The following ADAMTS7 variants were observed in gnomAD, a reference collection of about 807,000 sequenced individuals.
ADAMTS7 encodes the protein ADAM metallopeptidase with thrombospondin type 1 motif 7.
In ADAMTS7, 89 loss-of-function variants were observed where a neutral mutation model predicts 172.6. That is an observed-to-expected ratio of 0.52 (90% CI 0.43 to 0.61). The LOEUF (loss-of-function observed/expected upper bound fraction) is 0.61, where lower values mean the gene tolerates loss of function less well. Ranked by LOEUF, ADAMTS7 falls within the 20% of genes least tolerant of loss-of-function variation. ADAMTS7 has a pLI of 0.00. For missense variants in ADAMTS7, 1,973 were observed against 2,355.6 expected, an observed-to-expected ratio of 0.84 and a Z score of 3.36; for synonymous variants, 885 against 978.4, an observed-to-expected ratio of 0.90 and a Z score of 1.78.
intron 23 of ADAMTS7, 62 bp from the exon 24 acceptor site, chr15:78,759,640 C>T: frequency 1.6e-5 from 24 of 1,464,926 alleles, no homozygotes; most frequent in Non-Finnish European, 2.2e-5. Flanking sequence ...AACCTGGCTC[C>T]CTACGCCAAC....
intron 7 of ADAMTS7, among the ~76,000 whole-genome samples, chr15:78,789,267 C>T (rs1165434200): frequency 6.6e-6 from 1 of 152,224 alleles, no homozygotes; most frequent in African/African-American, 2.4e-5. Context: ...ATCACTGAAT[C>T]CAAACCCCTC....
chr15:78,809,620 A>G (rs2055839056), intron 1 of ADAMTS7, among the ~76,000 whole-genome samples: 1 of 152,206 alleles, frequency 6.6e-6, no homozygotes, highest in African/African-American at 2.4e-5. Context: ...AATCCTCATA[A>G]GAATCCCACG....
At chr15:78,807,365 T>A (rs1466489740) in intron 1 of ADAMTS7, among the ~76,000 whole-genome samples, 3 of 152,184 alleles carry the variant, frequency 2.0e-5, no homozygotes, top group Admixed American at 2.0e-4. Context: ...GGATGTACAG[T>A]CCTGTTGAGA....
At chr15:78,765,365 C>T (rs926342162) in intron 19 of ADAMTS7, among the ~76,000 whole-genome samples, 22 of 152,380 alleles carry the variant, frequency 1.4e-4, no homozygotes, top group African/African-American at 5.3e-4. Flanking sequence ...CTGGGCCTGG[C>T]GGCCATGCGG....
Position 78,776,811 on chromosome 15 carries a change from C to A in ADAMTS7, c.1498G>T (p.Gly500Trp). 1.9e-6 allele frequency: 3 copies of A among 1,550,744 alleles called. No individual in the cohort carries two copies. The highest frequency in any genetic ancestry group is 2.6e-6 in the Non-Finnish European group (3 of 1,146,420). The stretch of plus-strand genomic sequence containing the variant: ...TCCAGCTTGGAGTGACAGGTGGTCC[C>A]CACAGAGCACCAGAGTGTGTGGCAG... ...NVCHTLWCSV[G>W]TTCHSKLDAA... is the part of the protein sequence containing the mutation. Residue 500 changes from glycine to tryptophan, a missense_variant, in exon 10 of 24, where the codon GGG (glycine) becomes TGG (tryptophan). This residue lies in a region of ADAMTS7 where 526 missense variants were observed against 662.9 expected (regional missense o/e 0.79). Coordinates refer to ENST00000388820, the MANE Select transcript of ADAMTS7 (RefSeq NM_014272.5).
intron 8 of ADAMTS7, among the ~76,000 whole-genome samples, chr15:78,778,877 T>C (rs2055390859): frequency 1.3e-5 from 2 of 150,674 alleles, no homozygotes; most frequent in African/African-American, 4.9e-5. Flanking sequence ...CACTCCGAGA[T>C]GTGGAGAGGC....
chr15:78,759,341 A>T lies in ADAMTS7; in HGVS notation c.*80T>A, dbSNP rs1216968939. On this transcript the variant is annotated 3_prime_UTR_variant, in exon 24 of 24. Transcript: ENST00000388820. The stretch of plus-strand genomic sequence containing the variant: ...GTAGTGAGAGGGGGTTAGCACCATT[A>T]GGGCGCAGGGGGCGGGAGCTCCGCC... The T allele has an allele frequency of 3.5e-6, 5 of 1,426,156 alleles. No individual in the cohort carries two copies. In the South Asian group the frequency reaches 7.0e-5, roughly 20 times the overall value. 88.3% of individuals were successfully genotyped at this position (1,426,156 alleles called of 1,614,324 possible).
At position 78,777,636 on chromosome 15, in the gene ADAMTS7, A is replaced by G. The variant is rs763838760; in HGVS notation, c.1323-48T>C. 1.7e-5 allele frequency: 27 copies of G among 1,570,878 alleles called. No homozygotes were observed. The African/African-American group carries it at 3.1e-4, about 18-fold the overall frequency. ...GAGGGGGGCGCAGCCTGTGAGACCC[A>G]TCGGAGAAGCCTTGGTGGGGCCGGG... On this transcript the variant is annotated intron_variant, in intron 8 of 23. Coordinates refer to ENST00000388820, the MANE Select transcript of ADAMTS7 (RefSeq NM_014272.5).
At position 78,763,947 on chromosome 15, in the gene ADAMTS7, C is replaced by T; in HGVS notation, c.4572G>A (p.Trp1524Ter). The part of the protein sequence containing the change: ...RPCGAQPCLS[W>*]YTSSWRECSE... ...TCACCTCCCTCCAGGAAGATGTGTA[C>T]CAGCTGAGGCAGGGCTGGGCCCCGC... Residue 1524 changes from tryptophan (W) to a stop codon, truncating the protein, a stop_gained, in exon 21 of 24, where the codon TGG becomes TGA. Coordinates refer to ENST00000388820, the MANE Select transcript of ADAMTS7 (RefSeq NM_014272.5). LOFTEE classifies it high-confidence loss of function. 2 of 1,546,662 alleles carry T rather than the reference C, an allele frequency of 1.3e-6. No homozygotes were observed. Among genetic ancestry groups the T allele is most frequent in the Non-Finnish European group, 1.7e-6 (2 of 1,144,988 alleles).
At chr15:78,772,357 G>A (rs1170212967) in intron 14 of ADAMTS7, among the ~76,000 whole-genome samples, 9 of 152,296 alleles carry the variant, frequency 5.9e-5, no homozygotes, top group Non-Finnish European at 1.0e-4. Flanking sequence ...ATCCTGCTGC[G>A]GTATGAGCAG....
chr15:78,768,846 G>T (rs1435520168), intron 16 of ADAMTS7, among the ~76,000 whole-genome samples: 1 of 137,754 alleles, frequency 7.3e-6, no homozygotes, highest in African/African-American at 2.4e-5. Flanking sequence ...CCCAGGCTGG[G>T]GTGAGGGGTG....
At chr15:78,774,362 G>A (rs1278304142) in intron 12 of ADAMTS7, 62 bp from the exon 13 acceptor site, 2 of 1,491,756 alleles carry the variant, frequency 1.3e-6, no homozygotes, top group African/African-American at 1.4e-5. Flanking sequence ...AGGCCACCAG[G>A]AAGACCCCTC....
intron 11 of ADAMTS7, 40 bp downstream of exon 11, chr15:78,776,148 C>T (rs1407417027): frequency 1.3e-6 from 2 of 1,581,414 alleles, no homozygotes; most frequent in Non-Finnish European, 1.7e-6. Flanking sequence ...TTGGGTCCCT[C>T]TGTCCCACTG....
chr15:78,777,614 G>A (rs768846600), intron 8 of ADAMTS7, 26 bp from the exon 9 acceptor site: 4 of 1,589,650 alleles, frequency 2.5e-6, no homozygotes, highest in Non-Finnish European at 3.4e-6. Context: ...GAGGATGGAG[G>A]GGGGCGCAGC....
intron 7 of ADAMTS7, among the ~76,000 whole-genome samples, chr15:78,789,322 C>A (rs974544534): frequency 6.6e-6 from 1 of 152,214 alleles, no homozygotes; most frequent in South Asian, 2.1e-4. Context: ...CAGGCACTGG[C>A]CCAGGCCACA....
chr15:78,781,990 A>G (rs1169530644), intron 8 of ADAMTS7, among the ~76,000 whole-genome samples: 1 of 152,016 alleles, frequency 6.6e-6, no homozygotes, highest in Non-Finnish European at 1.5e-5. Context: ...AAGAGCTAAT[A>G]TAACTTGTCT....
At chr15:78,768,095 TGGGGTGGGGAGTTGGC>T in intron 17 of ADAMTS7, 22 bp downstream of exon 17, 2 of 622,724 alleles carry the variant, frequency 3.2e-6, no homozygotes, top group Non-Finnish European at 4.3e-6. Context: ...TGGCGGGGGA[TGGGGTGGGGAGTTGGC>T]GGGGGATGGG....
intron 19 of ADAMTS7, 167 bp from the exon 20 acceptor site, chr15:78,764,874 A>G (rs1485878640): frequency 1.1e-5 from 7 of 658,728 alleles, no homozygotes; most frequent in Non-Finnish European, 1.4e-5. Flanking sequence ...CCTCCCAGGA[A>G]GACCGTGAGA....
chr15:78,811,408 G>A lies in ADAMTS7; in HGVS notation c.-188C>T, dbSNP rs1743123519. 2 of 479,094 alleles carry A rather than the reference G, an allele frequency of 4.2e-6. No homozygotes were observed. Among genetic ancestry groups the A allele is most frequent in the Non-Finnish European group, 6.5e-6 (2 of 306,620 alleles). The allele number at this position is 479,094 out of a possible 1,614,324, so 29.7% of individuals were successfully genotyped here. A position where few individuals can be genotyped will look rare whatever the true frequency, so the allele number is the denominator to read the frequency against. ...CAAAGGCTGCAGGGCCCGCCCCCTT[G>A]GCCGCTGCAGAGGCAAAGAAAAGAC... On this transcript the variant is annotated 5_prime_UTR_variant, in exon 1 of 24. Coordinates refer to ENST00000388820, the MANE Select transcript of ADAMTS7 (RefSeq NM_014272.5).
Sources: allele counts gnomAD v4.1 joint callset (sites outside exome capture counted in the v4.1 genomes callset), GRCh38; gene constraint gnomAD v4.1.1; regional missense constraint gnomAD v4.1.1; transcripts MANE v1.5; gene names NCBI Gene and HGNC (gene_info 2026-07-23, HGNC 2026-07-21).